Variants in PDS5A observed in about 807,000 individuals in gnomAD.
PDS5A encodes the protein PDS5 cohesin associated factor A.
In PDS5A, 42 loss-of-function variants were observed where a neutral mutation model predicts 167.1. The ratio of observed to expected loss-of-function variants is 0.25; its 90% CI spans 0.20 to 0.33. PDS5A has a LOEUF of 0.33. PDS5A is among the 10% of genes least tolerant of loss of function. PDS5A has a pLI of 1.00. For missense variants in PDS5A, 1,033 were observed against 1,605.9 expected (o/e 0.64, Z 6.10); for synonymous variants, 553 against 554.6 (o/e 1.00, Z 0.04).
At position 39,976,726 on chromosome 4, in the gene PDS5A, G is replaced by T. The variant is rs564756163; in HGVS notation, c.-40-109C>A. On this transcript the variant is annotated intron_variant, in intron 1 of 32. Coordinates refer to ENST00000303538, the MANE Select transcript of PDS5A (RefSeq NM_001100399.2). ...AAGGCCCTGTCTCCCCAGAGGCCGG[G>T]GACCCGGCAGCGGCCTCGCCACCCG... 1.0e-3 allele frequency: 542 copies of T among 541,780 alleles called. 1 individual carries two copies. Among genetic ancestry groups the T allele is most frequent in the Non-Finnish European group, 1.5e-3 (473 of 325,818 alleles). 33.6% of individuals were successfully genotyped at this position (541,780 alleles called of 1,614,324 possible). A position where few individuals can be genotyped will look rare whatever the true frequency, so the allele number is the denominator to read the frequency against.
chr4:39,936,799 T>C (rs1007810025), intron 2 of PDS5A: 3 of 152,168 alleles, frequency 2.0e-5, no homozygotes, highest in Middle Eastern at 3.2e-3. Context: ...CTAAACAAGA[T>C]TGAGCCTGCT....
At chr4:39,862,367 T>C (rs1719073329) in intron 25 of PDS5A, 34 bp from the exon 26 acceptor site, 2 of 1,015,762 alleles carry the variant, frequency 2.0e-6, no homozygotes, top group Non-Finnish European at 3.0e-6. Flanking sequence ...ACAACCTTTA[T>C]AAAATGCCTT....
intron 30 of PDS5A, 129 bp downstream of exon 30, chr4:39,844,526 AT>A (rs1190094450): frequency 1.5e-6 from 1 of 661,004 alleles, no homozygotes; most frequent in African/African-American, 1.9e-5. Context: ...AAATACTAAA[AT>A]TCATCAATAT....
At chr4:39,884,176 C>T (rs1215293323) in intron 17 of PDS5A, among the ~76,000 whole-genome samples, 1 of 152,232 alleles carries the variant, frequency 6.6e-6, no homozygotes, top group East Asian at 1.9e-4. Flanking sequence ...ATCTGCCCGC[C>T]TCGGCCTCCC....
At chr4:39,858,402 A>C (rs1421792377) in intron 26 of PDS5A, among the ~76,000 whole-genome samples, 2 of 152,252 alleles carry the variant, frequency 1.3e-5, no homozygotes, top group Non-Finnish European at 2.9e-5. Context: ...CCCAGAAGTA[A>C]GCCCTTGCAT....
At chr4:39,885,418 G>A (rs904818671) in intron 17 of PDS5A, among the ~76,000 whole-genome samples, 23 of 151,380 alleles carry the variant, frequency 1.5e-4, no homozygotes, top group African/African-American at 2.9e-4. Flanking sequence ...TGGGCAACAC[G>A]GCAAAACTGC....
At chr4:39,881,894 TTCC>T (rs1322386459) in intron 17 of PDS5A, among the ~76,000 whole-genome samples, 1 of 152,198 alleles carries the variant, frequency 6.6e-6, no homozygotes, top group Non-Finnish European at 1.5e-5. Context: ...TGGGGGCAGT[TTCC>T]TCCATATTGT....
At chr4:39,858,120 A>C (rs1428169001) in intron 26 of PDS5A, among the ~76,000 whole-genome samples, 1 of 152,242 alleles carries the variant, frequency 6.6e-6, no homozygotes, top group African/African-American at 2.4e-5. Context: ...ATCCTGTGCT[A>C]ATAGATTAGA....
chr4:39,920,114 T>C (rs1478483725), intron 7 of PDS5A, among the ~76,000 whole-genome samples: 1 of 151,246 alleles, frequency 6.6e-6, no homozygotes, highest in Non-Finnish European at 1.5e-5. Context: ...GGGATGGGAG[T>C]TGCAGACGAC....
At chr4:39,952,251 A>C (rs185896402) in intron 2 of PDS5A, among the ~76,000 whole-genome samples, 181 of 152,254 alleles carry the variant, frequency 1.2e-3, no homozygotes, top group African/African-American at 4.2e-3. Context: ...GAACTGCTTG[A>C]ACCCGGGAAG....
At chr4:39,898,555 T>C in intron 15 of PDS5A, 27 bp from the exon 16 acceptor site, 2 of 1,394,982 alleles carry the variant, frequency 1.4e-6, no homozygotes, top group African/African-American at 1.5e-5. Context: ...GAATCAATAT[T>C]AGAGAAGGAA....
At chr4:39,854,289 C>T (rs903644540) in intron 26 of PDS5A, among the ~76,000 whole-genome samples, 7 of 152,080 alleles carry the variant, frequency 4.6e-5, no homozygotes, top group South Asian at 4.1e-4. Flanking sequence ...GGCGACAGAA[C>T]GAGACTCCAT....
At chr4:39,895,926 G>A (rs1385462618) in intron 16 of PDS5A, among the ~76,000 whole-genome samples, 21 of 150,804 alleles carry the variant, frequency 1.4e-4, no homozygotes, top group African/African-American at 2.0e-4. Flanking sequence ...GGGTCTCACC[G>A]TGTTAGCCAG....
chr4:39,970,140 G>A (rs1730365770), intron 2 of PDS5A, among the ~76,000 whole-genome samples: 2 of 151,786 alleles, frequency 1.3e-5, no homozygotes, highest in Non-Finnish European at 2.9e-5. Flanking sequence ...GTGAGCCACC[G>A]CGCCCAGCCT....
intron 9 of PDS5A, 116 bp from the exon 10 acceptor site, chr4:39,910,454 G>A: frequency 1.6e-6 from 1 of 607,390 alleles, no homozygotes; most frequent in South Asian, 2.1e-5. Flanking sequence ...TAGAAAATTT[G>A]TTATGAGCTA....
At chr4:39,884,187 A>G (rs1286813603) in intron 17 of PDS5A, among the ~76,000 whole-genome samples, 1 of 152,116 alleles carries the variant, frequency 6.6e-6, no homozygotes, top group African/African-American at 2.4e-5. Context: ...TCGGCCTCCC[A>G]AAGTGCTGGG....
At chr4:39,943,490 A>C (rs2109770791) in intron 2 of PDS5A, among the ~76,000 whole-genome samples, 1 of 152,068 alleles carries the variant, frequency 6.6e-6, no homozygotes, top group African/African-American at 2.4e-5. Context: ...TTCTATTTTA[A>C]AGATCCATTC....
At chr4:39,849,263 T>G (rs1418003625) in intron 27 of PDS5A, among the ~76,000 whole-genome samples, 1 of 152,072 alleles carries the variant, frequency 6.6e-6, no homozygotes, top group Non-Finnish European at 1.5e-5. Flanking sequence ...TTACTGTAAG[T>G]TCGTAATATA....
In PDS5A at chr4:39,834,474, G is replaced by C. The variant is rs866204055; in HGVS notation, c.4010+3382C>G. ...CCTCTCATCAGACAAGGGCAATTCT[G>C]CAAGAGTTCCCATGGGAAATCATTA... On this transcript the variant is annotated intron_variant, in intron 32 of 32. Transcript: ENST00000303538. Among the ~76,000 whole-genome samples the C allele has an allele frequency of 9.2e-5, 14 of 152,284 alleles. No homozygotes were observed. In the South Asian group the frequency reaches 1.9e-3, roughly 20 times the overall value.
Sources: allele counts gnomAD v4.1 joint callset (sites outside exome capture counted in the v4.1 genomes callset), GRCh38; gene constraint gnomAD v4.1.1; transcripts MANE v1.5; gene names NCBI Gene and HGNC (gene_info 2026-07-23, HGNC 2026-07-21).